The following PTPRD variants were observed in gnomAD, a reference collection of about 807,000 sequenced individuals.
PTPRD encodes protein tyrosine phosphatase receptor type D.
In PTPRD, 34 loss-of-function variants were observed where a neutral mutation model predicts 214.5. The observed-to-expected ratio is 0.16, with a 90% CI of 0.12 to 0.21. The LOEUF (loss-of-function observed/expected upper bound fraction) is 0.21. PTPRD is among the 10% of genes least tolerant of loss of function. PTPRD has a pLI of 1.00. For synonymous variants in PTPRD, 1,128 were observed against 845.7 expected (o/e 1.33, Z -5.79); for missense variants, 2,545 against 2,398.7 (o/e 1.06, Z -1.27).
At chr9:9,413,477 T>A (rs554649242) in intron 8 of PTPRD, among the ~76,000 whole-genome samples, 6 of 152,322 alleles carry the variant, frequency 3.9e-5, no homozygotes, top group Admixed American at 2.0e-4. Context: ...AAGAAATGAT[T>A]TGCACAAATA....
At chr9:9,041,352 C>T (rs886795448) in intron 10 of PTPRD, among the ~76,000 whole-genome samples, 2 of 151,996 alleles carry the variant, frequency 1.3e-5, no homozygotes, top group South Asian at 2.1e-4. Context: ...TTTCCTGATC[C>T]TCTGCCTCTT....
intron 3 of PTPRD, among the ~76,000 whole-genome samples, chr9:10,118,838 G>T (rs1370234642): frequency 1.4e-5 from 2 of 148,010 alleles, no homozygotes; most frequent in African/African-American, 4.9e-5. Flanking sequence ...AGGACAACTA[G>T]AAAGGTAAAG....
chr9:10,546,274 A>G (rs1271188140), intron 2 of PTPRD, among the ~76,000 whole-genome samples: 1 of 152,018 alleles, frequency 6.6e-6, no homozygotes, highest in African/African-American at 2.4e-5. Flanking sequence ...GCTCATGTGT[A>G]TATTAAAGCC....
At chr9:9,791,162 C>A (rs2098964468) in intron 5 of PTPRD, among the ~76,000 whole-genome samples, 2 of 151,918 alleles carry the variant, frequency 1.3e-5, no homozygotes, top group African/African-American at 4.8e-5. Context: ...CTGCATATAG[C>A]CATCATTAAG....
rs75663100 is a variant in PTPRD, at chr9:9,873,186, T to A, written c.-368+65321A>T. On this transcript the variant is annotated intron_variant, in intron 5 of 45. Coordinates refer to ENST00000381196, the MANE Select transcript of PTPRD (RefSeq NM_002839.4). The stretch of plus-strand genomic sequence containing the variant: ...ATCAAAGAAAGACTCATCACCAATG[T>A]ATTGGGAACATTCAGCACTGTCTAC... Among the ~76,000 whole-genome samples, 1,100 of 152,204 alleles carry A rather than the reference T, an allele frequency of 7.2e-3. 6 individuals are homozygous for A. Among genetic ancestry groups the A allele is most frequent in the African/African-American group, 0.025 (1,030 of 41,532 alleles).
At chr9:9,477,405 G>T (rs576045599) in intron 8 of PTPRD, among the ~76,000 whole-genome samples, 2 of 152,174 alleles carry the variant, frequency 1.3e-5, no homozygotes, top group East Asian at 3.9e-4. Context: ...GTAAATTGAG[G>T]CATTATTAGT....
chr9:9,545,950 A>AT (rs532482606), intron 8 of PTPRD, among the ~76,000 whole-genome samples: 7 of 151,614 alleles, frequency 4.6e-5, no homozygotes, highest in Admixed American at 2.6e-4. Context: ...CCACTTTTTA[A>AT]TTTTTTTTAT....
chr9:10,302,132 AT>A (rs2095879377), intron 3 of PTPRD, among the ~76,000 whole-genome samples: 1 of 152,168 alleles, frequency 6.6e-6, no homozygotes, highest in Non-Finnish European at 1.5e-5. Flanking sequence ...TTCTTAAAGA[AT>A]TTTCAACCCA....
rs544137282 is a variant in PTPRD, at chr9:9,528,955, T to G, written c.-237+45777A>C. Among the ~76,000 whole-genome samples, 492 of 150,898 alleles carry G rather than the reference T, an allele frequency of 3.3e-3. 3 individuals are homozygous for G. The highest frequency in any genetic ancestry group is 0.024 in the Admixed American group (360 of 15,154). Reference sequence around the variant, plus strand: ...GTTTGTTTCTTTTTTTTTTTTTTTTTTGAGGCAGAGTCTCACCCTGTTGCC... The same window carrying G: ...GTTTGTTTCTTTTTTTTTTTTTTTTGTGAGGCAGAGTCTCACCCTGTTGCC... On this transcript the variant is annotated intron_variant, in intron 8 of 45. Transcript: ENST00000381196.
chr9:10,015,511 G>C (rs2096687829), intron 4 of PTPRD, among the ~76,000 whole-genome samples: 1 of 152,134 alleles, frequency 6.6e-6, no homozygotes, highest in Non-Finnish European at 1.5e-5. Flanking sequence ...CTCTGAGGCT[G>C]TATAGGACAT....
intron 8 of PTPRD, among the ~76,000 whole-genome samples, chr9:9,498,920 G>A (rs1033877316): frequency 1.3e-5 from 2 of 151,688 alleles, no homozygotes; most frequent in African/African-American, 4.8e-5. Context: ...TTTCTTTAAA[G>A]AGTTTAGGCT....
Position 8,341,727 on chromosome 9 carries a change from C to A in PTPRD, c.4913G>T (p.Gly1638Val), listed in dbSNP as rs369304072. The A allele has an allele frequency of 1.9e-6, 3 of 1,613,500 alleles. No individual in the cohort carries two copies. The highest frequency in any genetic ancestry group is 1.7e-6 in the Non-Finnish European group (2 of 1,179,654). The change falls in exon 40 of 46, where the codon GGA becomes GTA. Residue 1638 changes from glycine to valine, a missense_variant. Physicochemically the swap from Gly to Val is moderately radical, Grantham distance 109. Transcript: ENST00000381196. Reference protein sequence around the residue: ...YIQKLTQIETGENVTGMELEF... With the variant: ...YIQKLTQIETVENVTGMELEF... ...GAGCTCCATTCCTGTGACATTCTCTCCCGTTTCTATTTGTGTCAGCTTCTG... is the reference window on the plus strand; with the variant it reads ...GAGCTCCATTCCTGTGACATTCTCTACCGTTTCTATTTGTGTCAGCTTCTG...
intron 8 of PTPRD, among the ~76,000 whole-genome samples, chr9:9,435,252 T>G (rs1439684178): frequency 1.3e-5 from 2 of 152,132 alleles, no homozygotes; most frequent in Non-Finnish European, 2.9e-5. Flanking sequence ...GGCTCACACT[T>G]GTAATCTCAG....
At chr9:8,388,961 T>G (rs923324103) in intron 37 of PTPRD, among the ~76,000 whole-genome samples, 2 of 151,400 alleles carry the variant, frequency 1.3e-5, no homozygotes, top group Non-Finnish European at 2.9e-5. Context: ...CTAATCAAGT[T>G]GTCTATTCCT....
At position 9,665,459 on chromosome 9, in the gene PTPRD, A is replaced by T. The variant is rs912005699; in HGVS notation, c.-287+69074T>A. On this transcript the variant is annotated intron_variant, in intron 7 of 45. Transcript: ENST00000381196. ...GATAGAATATAGAAGAAAGAAAACT[A>T]AAATTTATTAGATACTTAACTATGT... Among the ~76,000 whole-genome samples the T allele has an allele frequency of 9.9e-5, 15 of 151,934 alleles. No homozygotes were observed. The South Asian group carries it at 3.1e-3, about 31-fold the overall frequency.
intron 33 of PTPRD, among the ~76,000 whole-genome samples, chr9:8,450,831 T>G (rs2133558023): frequency 6.6e-6 from 1 of 152,334 alleles, no homozygotes; most frequent in Middle Eastern, 3.4e-3. Context: ...ATAGAAGCCA[T>G]TTTCAAACAG....
chr9:8,560,379 A>C (rs1018189825), intron 14 of PTPRD, among the ~76,000 whole-genome samples: 2 of 151,958 alleles, frequency 1.3e-5, no homozygotes, highest in African/African-American at 2.4e-5. Flanking sequence ...GGAAGAAAAC[A>C]ATACAGGTAA....
chr9:9,330,404 TA>T (rs2041872748), intron 9 of PTPRD, among the ~76,000 whole-genome samples: 1 of 152,130 alleles, frequency 6.6e-6, no homozygotes, highest in South Asian at 2.1e-4. Context: ...TATCTTCAAT[TA>T]AGTCAAGTAC....
chr9:9,463,453 C>G (rs751995910), intron 8 of PTPRD, among the ~76,000 whole-genome samples: 17 of 151,920 alleles, frequency 1.1e-4, no homozygotes, highest in Non-Finnish European at 2.4e-4. Context: ...AGCAAGTGAG[C>G]AAGCAAGCAC....
Sources: allele counts gnomAD v4.1 joint callset (sites outside exome capture counted in the v4.1 genomes callset), GRCh38; gene constraint gnomAD v4.1.1; transcripts MANE v1.5; gene names NCBI Gene and HGNC (gene_info 2026-07-23, HGNC 2026-07-21).